Variants in ATP8A2 observed in about 807,000 individuals in gnomAD.
ATP8A2 encodes the protein phospholipid-transporting ATPase IB.
A neutral mutation model predicts 165.6 loss-of-function variants in ATP8A2; 100 were observed. The ratio of observed to expected loss-of-function variants is 0.60; its 90% CI spans 0.51 to 0.71. ATP8A2 has a LOEUF of 0.71. Ranked by LOEUF, ATP8A2 falls within the 30% of genes least tolerant of loss-of-function variation. The pLI, the probability that ATP8A2 is intolerant of heterozygous loss-of-function variation, is 0.00. For missense variants in ATP8A2, 1,227 were observed against 1,479.5 expected (o/e 0.83, Z 2.80); for synonymous variants, 543 against 548.8 (o/e 0.99, Z 0.15).
At chr13:26,015,551 T>A (rs1005541918) in intron 36 of ATP8A2, among the ~76,000 whole-genome samples, 11 of 152,084 alleles carry the variant, frequency 7.2e-5, no homozygotes, top group Admixed American at 5.9e-4. Flanking sequence ...AGAGCACAGA[T>A]TCAAAGGAAT....
intron 1 of ATP8A2, among the ~76,000 whole-genome samples, chr13:25,460,208 CAAAAACAAACAAAG>C (rs1426250283): frequency 6.6e-6 from 1 of 152,106 alleles, no homozygotes; most frequent in Non-Finnish European, 1.5e-5. Context: ...CTCAAACAAA[CAAAAACAAACAAAG>C]AAGCAAACAA....
intron 1 of ATP8A2, among the ~76,000 whole-genome samples, chr13:25,462,947 C>A (rs1013588788): frequency 6.6e-5 from 10 of 152,126 alleles, no homozygotes; most frequent in African/African-American, 2.4e-4. Context: ...CTGACTCCAC[C>A]TTGACTTTTC....
chr13:25,889,275 A>ATAT (rs1566239890), intron 33 of ATP8A2, among the ~76,000 whole-genome samples: 16 of 84,944 alleles, frequency 1.9e-4, no homozygotes, highest in African/African-American at 3.3e-4. Flanking sequence ...TATATATATA[A>ATAT]AATTTAAATG....
rs890814649 is a variant in ATP8A2 at position 25,798,992 on chromosome 13, GA to G, written c.2679+24043del. Among the ~76,000 whole-genome samples the G allele has an allele frequency of 2.5e-4, 36 of 145,752 alleles. No homozygotes were observed. The East Asian group carries it at 3.4e-3, about 14-fold the overall frequency. On this transcript the variant is annotated intron_variant, in intron 27 of 36. Transcript: ENST00000381655. ...AACATAGTGAGACCCCCATCTCTAA[GA>G]AAAAAAAAATTGACAGAACAAATTA... is the stretch of plus-strand genomic sequence containing the variant.
intron 35 of ATP8A2, among the ~76,000 whole-genome samples, chr13:26,012,239 A>T (rs988661923): frequency 1.3e-5 from 2 of 152,164 alleles, no homozygotes; most frequent in Non-Finnish European, 2.9e-5. Context: ...TCCTTGGAGA[A>T]GTGTCCTGAA....
chr13:25,956,143 A>G (rs1955513522), intron 33 of ATP8A2, among the ~76,000 whole-genome samples: 1 of 152,236 alleles, frequency 6.6e-6, no homozygotes. Flanking sequence ...GCTATTTATG[A>G]CAGTCCCACA....
At chr13:25,896,012 G>A (rs1378505225) in intron 33 of ATP8A2, among the ~76,000 whole-genome samples, 1 of 152,012 alleles carries the variant, frequency 6.6e-6, no homozygotes, top group Non-Finnish European at 1.5e-5. Flanking sequence ...TTTTTGAAGG[G>A]TTTTTTGTGT....
intron 36 of ATP8A2, among the ~76,000 whole-genome samples, chr13:26,018,230 A>G (rs4769451): frequency 0.16 from 24,068 of 152,260 alleles, 2,079 homozygotes; most frequent in South Asian, 0.24. Context: ...TGGAAGAGCC[A>G]GGAAGCCAGC....
At chr13:25,402,260 G>A (rs1465037604) in intron 1 of ATP8A2, among the ~76,000 whole-genome samples, 1 of 152,144 alleles carries the variant, frequency 6.6e-6, no homozygotes, top group Non-Finnish European at 1.5e-5. Context: ...TTTATTTCTG[G>A]AATTTTTCAT....
intron 24 of ATP8A2, among the ~76,000 whole-genome samples, chr13:25,698,036 C>G (rs892315293): frequency 1.3e-5 from 2 of 152,058 alleles, no homozygotes; most frequent in Admixed American, 1.3e-4. Context: ...TGCAATTTAC[C>G]TTATCATATA....
chr13:25,886,024 C>T (rs1953139003), intron 33 of ATP8A2, among the ~76,000 whole-genome samples: 1 of 152,174 alleles, frequency 6.6e-6, no homozygotes, highest in African/African-American at 2.4e-5. Flanking sequence ...ACTGAGAGTG[C>T]TCTTCAAGAG....
At chr13:25,956,414 C>A (rs897105578) in intron 33 of ATP8A2, among the ~76,000 whole-genome samples, 5 of 152,234 alleles carry the variant, frequency 3.3e-5, no homozygotes, top group Non-Finnish European at 5.9e-5. Flanking sequence ...TAAGCAACTT[C>A]AGCAAAGTCT....
chr13:25,585,046 C>A (rs4072621), intron 23 of ATP8A2, among the ~76,000 whole-genome samples: 90,774 of 151,614 alleles, frequency 0.6, 28,751 homozygotes, highest in Middle Eastern at 0.71. Flanking sequence ...TTTATTCATA[C>A]CTTAGAAAAA....
chr13:25,513,869 A>G (rs1446792319), intron 2 of ATP8A2, among the ~76,000 whole-genome samples: 3 of 152,064 alleles, frequency 2.0e-5, no homozygotes, highest in East Asian at 3.9e-4. Context: ...AGGCAGGACA[A>G]TCAGTCAAGG....
At chr13:25,889,737 C>T (rs1164245921) in intron 33 of ATP8A2, among the ~76,000 whole-genome samples, 1 of 152,110 alleles carries the variant, frequency 6.6e-6, no homozygotes, top group Non-Finnish European at 1.5e-5. Context: ...TCCTTCCTAG[C>T]TCCCTTGACT....
In ATP8A2 at chr13:25,503,370, A is replaced by G. The variant is rs529364251; in HGVS notation, c.222-26629A>G. On this transcript the variant is annotated intron_variant, in intron 2 of 36. Coordinates refer to ENST00000381655, the MANE Select transcript of ATP8A2 (RefSeq NM_016529.6). ...AACCCTACTGTTTGTGAGGTTGGAA[A>G]GGGTGGTCGGCATGCTGACAAGTAA... Among the ~76,000 whole-genome samples, 7 of 152,336 alleles carry G rather than the reference A, an allele frequency of 4.6e-5. No homozygotes were observed. In the South Asian group the frequency reaches 8.3e-4, roughly 18 times the overall value.
chr13:25,816,937 G>A (rs949914897), intron 27 of ATP8A2, among the ~76,000 whole-genome samples: 1 of 151,980 alleles, frequency 6.6e-6, no homozygotes, highest in Non-Finnish European at 1.5e-5. Flanking sequence ...ATAAGTTAAG[G>A]GTGTGACTTT....
At chr13:25,475,835 T>C (rs755434678) in intron 2 of ATP8A2, among the ~76,000 whole-genome samples, 7 of 152,236 alleles carry the variant, frequency 4.6e-5, no homozygotes, top group African/African-American at 7.2e-5. Flanking sequence ...TGTCTGTTCA[T>C]ATCTTTTGTC....
intron 33 of ATP8A2, among the ~76,000 whole-genome samples, chr13:25,957,100 C>T (rs1024869505): frequency 6.6e-6 from 1 of 152,164 alleles, no homozygotes; most frequent in African/African-American, 2.4e-5. Context: ...CCCTTCCTCA[C>T]ACCTTATACA....
Sources: gnomAD v4.1 joint callset for allele counts (sites outside exome capture counted in the v4.1 genomes callset) on GRCh38, gnomAD v4.1.1 for gene constraint, MANE v1.5 for transcripts, NCBI Gene and HGNC (gene_info 2026-07-23, HGNC 2026-07-21) for gene names.